The following SDK1 variants were observed in gnomAD, a reference collection of about 807,000 sequenced individuals.
SDK1 encodes sidekick cell adhesion molecule 1.
SDK1 carries 157 observed loss-of-function variants against 245.5 expected under a neutral mutation model. The observed-to-expected ratio is 0.64, with a 90% CI of 0.56 to 0.73. The LOEUF (loss-of-function observed/expected upper bound fraction) is 0.73, where lower values mean the gene tolerates loss of function less well. Among genes scored for constraint, SDK1 ranks in the 30% least tolerant of loss-of-function variants. The probability of loss-of-function intolerance (pLI) is 0.00; values close to 1 mark genes in which losing one functional copy is unlikely to be tolerated. For synonymous variants in SDK1, 1,647 were observed against 1,278.5 expected, an observed-to-expected ratio of 1.29 and a Z score of -6.15; for missense variants, 3,583 against 3,002.3, an observed-to-expected ratio of 1.19 and a Z score of -4.52.
intron 1 of SDK1, among the ~76,000 whole-genome samples, chr7:3,303,678 T>C (rs1251893417): frequency 6.6e-6 from 1 of 152,216 alleles, no homozygotes; most frequent in Non-Finnish European, 1.5e-5. Context: ...AAATTTCAGA[T>C]AGGTTGTCAC....
intron 5 of SDK1, among the ~76,000 whole-genome samples, chr7:3,915,264 G>T (rs1779329465): frequency 6.6e-6 from 1 of 152,194 alleles, no homozygotes; most frequent in Non-Finnish European, 1.5e-5. Context: ...AAAGGCCCTT[G>T]TTGGAGCCAG....
At chr7:3,399,476 T>A (rs1040910823) in intron 1 of SDK1, among the ~76,000 whole-genome samples, 5 of 152,116 alleles carry the variant, frequency 3.3e-5, no homozygotes, top group Non-Finnish European at 2.9e-5. Flanking sequence ...GTCTGTACAT[T>A]CCTATATCTT....
chr7:3,715,968 G>A (rs1416168928), intron 4 of SDK1, among the ~76,000 whole-genome samples: 1 of 152,258 alleles, frequency 6.6e-6, no homozygotes, highest in East Asian at 1.9e-4. Context: ...AAAAGTGAAA[G>A]TGAGTGAATT....
intron 40 of SDK1, among the ~76,000 whole-genome samples, chr7:4,222,843 C>T (rs1195811268): frequency 6.6e-6 from 1 of 152,150 alleles, no homozygotes; most frequent in Non-Finnish European, 1.5e-5. Flanking sequence ...CTCACACAGC[C>T]AGCTGGCCCT....
At chr7:3,903,725 T>C (rs1781869993) in intron 5 of SDK1, among the ~76,000 whole-genome samples, 1 of 152,132 alleles carries the variant, frequency 6.6e-6, no homozygotes, top group African/African-American at 2.4e-5. Flanking sequence ...ATGGTTTGGA[T>C]GTTTGTCCCT....
intron 1 of SDK1, among the ~76,000 whole-genome samples, chr7:3,426,138 A>G (rs977834031): frequency 6.6e-6 from 1 of 152,204 alleles, no homozygotes; most frequent in Non-Finnish European, 1.5e-5. Context: ...GTCAGGAGAT[A>G]AGCAGTTGAT....
intron 5 of SDK1, among the ~76,000 whole-genome samples, chr7:3,837,147 T>G (rs561715798): frequency 6.6e-6 from 1 of 152,350 alleles, no homozygotes; most frequent in South Asian, 2.1e-4. Context: ...TAGTAATTTT[T>G]TTACAGCTCA....
At chr7:4,244,993 C>T (rs1388440787) in intron 43 of SDK1, among the ~76,000 whole-genome samples, 1 of 152,214 alleles carries the variant, frequency 6.6e-6, no homozygotes, top group African/African-American at 2.4e-5. Context: ...CTCCTAATGT[C>T]ATGTGATCAT....
chr7:3,624,748 A>C (rs1226900393), intron 2 of SDK1, among the ~76,000 whole-genome samples: 2 of 152,100 alleles, frequency 1.3e-5, no homozygotes, highest in East Asian at 3.9e-4. Context: ...TATATTTATA[A>C]AAAATATATG....
intron 4 of SDK1, among the ~76,000 whole-genome samples, chr7:3,805,656 C>T (rs369165442): frequency 1.4e-4 from 22 of 152,140 alleles, no homozygotes; most frequent in Admixed American, 5.9e-4. Flanking sequence ...GTAAATTCCC[C>T]AGTAAGTGCT....
intron 1 of SDK1, among the ~76,000 whole-genome samples, chr7:3,517,219 C>T (rs1583986063): frequency 6.6e-6 from 1 of 152,062 alleles, no homozygotes; most frequent in African/African-American, 2.4e-5. Flanking sequence ...TATAAGAGTG[C>T]CCAGTAATTC....
intron 4 of SDK1, among the ~76,000 whole-genome samples, chr7:3,731,049 A>G (rs566515682): frequency 3.9e-4 from 59 of 152,126 alleles, no homozygotes; most frequent in African/African-American, 1.4e-3. Flanking sequence ...ACCCCTCTCA[A>G]ATTTAGTGAC....
intron 1 of SDK1, among the ~76,000 whole-genome samples, chr7:3,508,015 A>C (rs972800239): frequency 6.6e-6 from 1 of 151,906 alleles, no homozygotes; most frequent in African/African-American, 2.4e-5. Context: ...TCCTGACCCC[A>C]TATTTTCTAC....
At position 3,301,640 on chromosome 7, in the gene SDK1, G is replaced by GC; in HGVS notation, c.59dup (p.Glu21Ter). The GC allele has an allele frequency of 1.0e-6, 1 of 977,076 alleles. No homozygotes were observed. Among genetic ancestry groups the GC allele is most frequent in the Non-Finnish European group, 1.2e-6 (1 of 826,458 alleles). 60.5% of individuals were successfully genotyped at this position (977,076 alleles called of 1,614,324 possible). On this transcript the variant is annotated frameshift_variant, in exon 1 of 45. Coordinates refer to ENST00000404826, the MANE Select transcript of SDK1 (RefSeq NM_152744.4). LOFTEE classifies it high-confidence loss of function. ...CCGGTGGCGGCGGCGGCGGCGCGGA[G>GC]CCCCCTGAGCGCGCGGGCCCCGGGC...
At chr7:3,991,608 C>T (rs147252085) in intron 14 of SDK1, among the ~76,000 whole-genome samples, 7 of 152,278 alleles carry the variant, frequency 4.6e-5, no homozygotes, top group South Asian at 4.1e-4. Flanking sequence ...GGACAGAGAA[C>T]GTCAGTCACC....
intron 4 of SDK1, among the ~76,000 whole-genome samples, chr7:3,750,950 G>T (rs988180596): frequency 6.6e-6 from 1 of 152,172 alleles, no homozygotes; most frequent in Non-Finnish European, 1.5e-5. Context: ...CTCTTTATGC[G>T]ACTGTTTTAC....
intron 5 of SDK1, among the ~76,000 whole-genome samples, chr7:3,855,764 A>G (rs999346166): frequency 3.9e-5 from 6 of 152,182 alleles, no homozygotes; most frequent in African/African-American, 1.4e-4. Flanking sequence ...ACAATATACT[A>G]AAAGATCCTG....
intron 4 of SDK1, among the ~76,000 whole-genome samples, chr7:3,657,723 A>G (rs891010927): frequency 2.0e-5 from 3 of 152,202 alleles, no homozygotes; most frequent in African/African-American, 7.2e-5. Flanking sequence ...CGTGCAGCCT[A>G]TGCAGATGAT....
In SDK1 at chr7:3,321,717, TCTC is replaced by T. The variant is rs1217248469; in HGVS notation, c.298+19835_298+19837del. 4.3e-3 allele frequency among the ~76,000 whole-genome samples: 74 copies of T among 17,060 alleles called. 1 individual carries two copies. The highest frequency in any genetic ancestry group is 0.026 in the African/African-American group (70 of 2,698). The allele number at this position is 17,060 out of a possible 152,430, so 11.2% of individuals were successfully genotyped here. A position where few individuals can be genotyped will look rare whatever the true frequency, so the allele number is the denominator to read the frequency against. On this transcript the variant is annotated intron_variant, in intron 1 of 44. Transcript: ENST00000404826. ...TTCTCCTCCTCCTCCTCCCCCTCCC[TCTC>T]CCCTCTCCCTCCCATCCCCTCCCCC... is the stretch of plus-strand genomic sequence containing the variant.
Sources: allele counts gnomAD v4.1 joint callset (sites outside exome capture counted in the v4.1 genomes callset), GRCh38; gene constraint gnomAD v4.1.1; transcripts MANE v1.5; gene names NCBI Gene and HGNC (gene_info 2026-07-23, HGNC 2026-07-21).